The following BRINP3 variants were observed in gnomAD, a reference collection of about 807,000 sequenced individuals.
The protein encoded by BRINP3 is BMP/retinoic acid-inducible neural-specific protein 3.
BRINP3 carries 19 observed loss-of-function variants against 71.0 expected under a neutral mutation model. The ratio of observed to expected loss-of-function variants is 0.27; its 90% CI spans 0.19 to 0.39. The LOEUF (loss-of-function observed/expected upper bound fraction) is 0.39. Ranked by LOEUF, BRINP3 falls within the 10% of genes least tolerant of loss-of-function variation. The pLI, the probability that BRINP3 is intolerant of heterozygous loss-of-function variation, is 1.00. For synonymous variants in BRINP3, 380 were observed against 337.7 expected, an observed-to-expected ratio of 1.13 and a Z score of -1.37; for missense variants, 959 against 940.8, an observed-to-expected ratio of 1.02 and a Z score of -0.25.
At chr1:190,267,832 C>A (rs997754234) in intron 3 of BRINP3, among the ~76,000 whole-genome samples, 5 of 152,038 alleles carry the variant, frequency 3.3e-5, no homozygotes, top group African/African-American at 7.2e-5. Flanking sequence ...CCCACAACCC[C>A]CCAAAAAATT....
intron 2 of BRINP3, among the ~76,000 whole-genome samples, chr1:190,356,473 T>C (rs2102080629): frequency 6.6e-6 from 1 of 152,126 alleles, no homozygotes; most frequent in South Asian, 2.1e-4. Context: ...ATTAATTTCC[T>C]ATTGAAGCTA....
intron 7 of BRINP3, among the ~76,000 whole-genome samples, chr1:190,148,956 T>C (rs977296426): frequency 9.9e-5 from 15 of 152,194 alleles, no homozygotes; most frequent in South Asian, 2.1e-4. Flanking sequence ...ACGACCTCTA[T>C]AGCCAGATTG....
At chr1:190,313,072 G>A (rs911766334) in intron 2 of BRINP3, among the ~76,000 whole-genome samples, 6 of 151,488 alleles carry the variant, frequency 4.0e-5, no homozygotes, top group Admixed American at 6.6e-5. Flanking sequence ...TTAAGATGAC[G>A]ACTACAAATT....
At chr1:190,419,716 C>G (rs1673240040) in intron 2 of BRINP3, among the ~76,000 whole-genome samples, 1 of 151,646 alleles carries the variant, frequency 6.6e-6, no homozygotes, top group South Asian at 2.1e-4. Flanking sequence ...CACACACACA[C>G]ACGTTAGCTT....
At chr1:190,440,017 G>A (rs183585858) in intron 2 of BRINP3, among the ~76,000 whole-genome samples, 41 of 151,886 alleles carry the variant, frequency 2.7e-4, no homozygotes, top group South Asian at 1.0e-3. Flanking sequence ...ATTTCTTCCA[G>A]TAGTTATCAA....
chr1:190,457,467 A>AAACAAAACAG (rs1280340464), intron 1 of BRINP3, among the ~76,000 whole-genome samples: 1 of 151,796 alleles, frequency 6.6e-6, no homozygotes, highest in Non-Finnish European at 1.5e-5. Context: ...AACAAAAACA[A>AAACAAAACAG]AACAAAAACA....
At chr1:190,305,164 T>G (rs907021449) in intron 2 of BRINP3, among the ~76,000 whole-genome samples, 17 of 151,852 alleles carry the variant, frequency 1.1e-4, no homozygotes, top group Non-Finnish European at 1.0e-4. Flanking sequence ...ACTGCTGGCA[T>G]TAGTATAGCA....
intron 2 of BRINP3, among the ~76,000 whole-genome samples, chr1:190,333,787 A>G (rs1667113199): frequency 6.6e-6 from 1 of 151,930 alleles, no homozygotes; most frequent in Non-Finnish European, 1.5e-5. Context: ...CTTGTAACAG[A>G]GCCCAATCTA....
chr1:190,371,587 T>C (rs1192559240), intron 2 of BRINP3, among the ~76,000 whole-genome samples: 1 of 152,198 alleles, frequency 6.6e-6, no homozygotes, highest in Non-Finnish European at 1.5e-5. Flanking sequence ...CTTTGCAGTA[T>C]ATTTTGAAGT....
chr1:190,277,423 C>T (rs183401317), intron 3 of BRINP3, among the ~76,000 whole-genome samples: 28 of 151,288 alleles, frequency 1.9e-4, no homozygotes, highest in Admixed American at 1.3e-3. Flanking sequence ...GGTTGGATAA[C>T]GCTATATAAT....
At position 190,098,143 on chromosome 1, in the gene BRINP3, A is replaced by G; in HGVS notation, c.2176T>C (p.Cys726Arg). The change falls in exon 8 of 8, where the codon TGC becomes CGC. Residue 726 changes from cysteine to arginine, a missense_variant. Transcript: ENST00000367462. ...AGCTTGAGTCTATGACGAAGCAAGC[A>G]AGAGAAAAGATCTAGACGACGCTGA... Reference protein sequence around the residue: ...PGQRRLDLFSCLLRHRLKLST... With the variant: ...PGQRRLDLFSRLLRHRLKLST... 1 of 1,614,186 alleles carries G rather than the reference A, an allele frequency of 6.2e-7. No homozygotes were observed. Among genetic ancestry groups the G allele is most frequent in the Non-Finnish European group, 8.5e-7 (1 of 1,180,032 alleles).
chr1:190,327,296 C>A (rs1666647801), intron 2 of BRINP3, among the ~76,000 whole-genome samples: 1 of 110,146 alleles, frequency 9.1e-6, no homozygotes, highest in African/African-American at 3.5e-5. Flanking sequence ...GCCTGGGCAA[C>A]AGAGCGAGGC....
intron 2 of BRINP3, among the ~76,000 whole-genome samples, chr1:190,442,165 A>G (rs1674867416): frequency 6.6e-6 from 1 of 152,220 alleles, no homozygotes; most frequent in Admixed American, 6.5e-5. Context: ...TTACTGTTGT[A>G]TTTTAAAAAT....
At chr1:190,280,853 TA>T (rs1014554818) in intron 3 of BRINP3, among the ~76,000 whole-genome samples, 3 of 151,970 alleles carry the variant, frequency 2.0e-5, no homozygotes, top group Admixed American at 1.3e-4. Context: ...AATTCTGGGA[TA>T]TTTTTTAATT....
In BRINP3 at chr1:190,461,941, T is replaced by A. The variant is rs545466732; in HGVS notation, c.-50-7001A>T. 3.9e-5 allele frequency among the ~76,000 whole-genome samples: 6 copies of A among 152,240 alleles called. No individual in the cohort carries two copies. The South Asian group carries it at 8.3e-4, about 21-fold the overall frequency. ...TTTTAATTTTGATTTTATTTTATTTTGAGACGGAGTTTCGCCAGGCTGGAG... is the reference window on the plus strand; with the variant it reads ...TTTTAATTTTGATTTTATTTTATTTAGAGACGGAGTTTCGCCAGGCTGGAG... On this transcript the variant is annotated intron_variant, in intron 1 of 7. Transcript: ENST00000367462.
intron 6 of BRINP3, among the ~76,000 whole-genome samples, chr1:190,213,917 A>G (rs1165830844): frequency 2.0e-5 from 3 of 152,074 alleles, no homozygotes; most frequent in Non-Finnish European, 4.4e-5. Flanking sequence ...ATGAAGTTTA[A>G]AATTTAAAAT....
At chr1:190,249,601 T>C (rs1659932467) in intron 4 of BRINP3, among the ~76,000 whole-genome samples, 1 of 151,894 alleles carries the variant, frequency 6.6e-6, no homozygotes, top group Non-Finnish European at 1.5e-5. Context: ...ATGATAATTT[T>C]ATAATTTCCA....
intron 2 of BRINP3, among the ~76,000 whole-genome samples, chr1:190,444,653 GCCT>G (rs1357786941): frequency 2.5e-4 from 38 of 151,944 alleles, no homozygotes; most frequent in Admixed American, 1.3e-4. Context: ...TCCCGCCTCA[GCCT>G]CCTGAGTACC....
chr1:190,437,589 T>C (rs1243537408), intron 2 of BRINP3, among the ~76,000 whole-genome samples: 1 of 151,842 alleles, frequency 6.6e-6, no homozygotes, highest in Non-Finnish European at 1.5e-5. Context: ...GTCTCTGTTA[T>C]GGTAATACAC....
Sources: gnomAD v4.1 joint callset for allele counts (sites outside exome capture counted in the v4.1 genomes callset) on GRCh38, gnomAD v4.1.1 for gene constraint, MANE v1.5 for transcripts, NCBI Gene and HGNC (gene_info 2026-07-23, HGNC 2026-07-21) for gene names.